SDCCAG8: variants seen among roughly 807,000 people sequenced by gnomAD.
SDCCAG8 encodes the protein SHH signaling and ciliogenesis regulator SDCCAG8.
In SDCCAG8, 74 loss-of-function variants were observed where a neutral mutation model predicts 101.8. The ratio of observed to expected loss-of-function variants is 0.73; its 90% CI spans 0.60 to 0.88. The LOEUF (loss-of-function observed/expected upper bound fraction) is 0.88. Among genes scored for constraint, SDCCAG8 ranks in the 40% least tolerant of loss-of-function variants. The probability of loss-of-function intolerance (pLI) is 0.00; values close to 1 mark genes in which losing one functional copy is unlikely to be tolerated. For synonymous variants in SDCCAG8, 281 were observed against 292.9 expected, an observed-to-expected ratio of 0.96 and a Z score of 0.41; for missense variants, 787 against 822.6, an observed-to-expected ratio of 0.96 and a Z score of 0.53.
intron 16 of SDCCAG8, among the ~76,000 whole-genome samples, chr1:243,451,304 T>C (rs894230254): frequency 1.3e-5 from 2 of 152,186 alleles, no homozygotes; most frequent in Admixed American, 1.3e-4. Context: ...TATTGTAAGA[T>C]GGAAAACATT....
intron 13 of SDCCAG8, among the ~76,000 whole-genome samples, chr1:243,386,023 C>T (rs1340941243): frequency 6.6e-6 from 1 of 152,174 alleles, no homozygotes; most frequent in Non-Finnish European, 1.5e-5. Flanking sequence ...CGTGGTACCA[C>T]GCTACATGTA....
intron 8 of SDCCAG8, among the ~76,000 whole-genome samples, chr1:243,309,703 A>T (rs1178301507): frequency 6.6e-6 from 1 of 152,068 alleles, no homozygotes; most frequent in Non-Finnish European, 1.5e-5. Flanking sequence ...GGGTCTCACT[A>T]TGTTGCCCAG....
At chr1:243,354,001 C>T (rs2147826543) in intron 12 of SDCCAG8, among the ~76,000 whole-genome samples, 1 of 152,260 alleles carries the variant, frequency 6.6e-6, no homozygotes, top group East Asian at 1.9e-4. Context: ...GGAGGATTAG[C>T]ACATGACTGT....
intron 3 of SDCCAG8, among the ~76,000 whole-genome samples, chr1:243,272,755 C>T (rs2068200643): frequency 6.6e-6 from 1 of 152,128 alleles, no homozygotes; most frequent in Non-Finnish European, 1.5e-5. Context: ...TGTATACAGC[C>T]TACATGTAAT....
In SDCCAG8 at chr1:243,344,273, A is replaced by G. The variant is rs1306789578; in HGVS notation, c.1415A>G (p.Glu472Gly). The G allele has an allele frequency of 3.1e-6, 5 of 1,614,046 alleles. No homozygotes were observed. In the East Asian group the frequency reaches 1.1e-4, roughly 36 times the overall value. Residue 472 changes from glutamate (E) to glycine (G), a missense_variant, in exon 12 of 18, where the codon GAA (glutamate) becomes GGA (glycine). Coordinates refer to ENST00000366541, the MANE Select transcript of SDCCAG8 (RefSeq NM_006642.5). ...NKTNMEKDEA[E>G]KEHREFRAKT... The stretch of plus-strand genomic sequence containing the variant: ...ACCAACATGGAGAAGGATGAGGCAG[A>G]AAAGGAGCACAGAGAGTTCAGAGCA...
At chr1:243,327,835 C>T (rs12073754) in intron 9 of SDCCAG8, among the ~76,000 whole-genome samples, 147,052 of 152,336 alleles carry the variant, frequency 0.97, 71,183 homozygotes, top group East Asian at 1. Flanking sequence ...GTTTTCTTCA[C>T]TGTGACCGGA....
In SDCCAG8 at chr1:243,460,588, A is replaced by G. The variant is rs532237910; in HGVS notation, c.1986-28426A>G. Among the ~76,000 whole-genome samples the G allele has an allele frequency of 7.2e-5, 11 of 152,340 alleles. No homozygotes were observed. The East Asian group carries it at 1.9e-3, about 27-fold the overall frequency. On this transcript the variant is annotated intron_variant, in intron 16 of 17. Coordinates refer to ENST00000366541, the MANE Select transcript of SDCCAG8 (RefSeq NM_006642.5). ...GATGATTCAGAGGACCAAAAGCCCA[A>G]TTTTCCATTTTCACAAGCTATAGGT...
rs547534257 is a variant in SDCCAG8, at chr1:243,285,590, A to G, written c.421-682A>G. On this transcript the variant is annotated intron_variant, in intron 4 of 17. Coordinates refer to ENST00000366541, the MANE Select transcript of SDCCAG8 (RefSeq NM_006642.5). The stretch of plus-strand genomic sequence containing the variant: ...TGCACTAGTAGTGAATATTAGGTTA[A>G]GTATTATATGATTGATATGTTGATA... Among the ~76,000 whole-genome samples the G allele has an allele frequency of 9.1e-4, 139 of 152,314 alleles. 1 individual carries two copies. The highest frequency in any genetic ancestry group is 3.1e-3 in the African/African-American group (130 of 41,570).
At chr1:243,334,431 TG>T (rs1326969695) in intron 10 of SDCCAG8, among the ~76,000 whole-genome samples, 1 of 152,240 alleles carries the variant, frequency 6.6e-6, no homozygotes, top group East Asian at 1.9e-4. Flanking sequence ...TTTTCTTCTT[TG>T]CACCCTCACC....
At chr1:243,388,870 T>C (rs2078501726) in intron 13 of SDCCAG8, among the ~76,000 whole-genome samples, 1 of 145,470 alleles carries the variant, frequency 6.9e-6, no homozygotes, top group African/African-American at 2.6e-5. Flanking sequence ...TGGTGGTGCA[T>C]GCCTGAGTCC....
intron 16 of SDCCAG8, among the ~76,000 whole-genome samples, chr1:243,483,243 C>T (rs1398421167): frequency 6.6e-6 from 1 of 152,086 alleles, no homozygotes; most frequent in Non-Finnish European, 1.5e-5. Context: ...GGAGCGCGCC[C>T]CCTGGGCTGG....
At chr1:243,325,713 G>A (rs925456952) in intron 9 of SDCCAG8, among the ~76,000 whole-genome samples, 9 of 152,106 alleles carry the variant, frequency 5.9e-5, no homozygotes, top group African/African-American at 2.2e-4. Flanking sequence ...GCAAGTTACT[G>A]AATGTCTCAA....
chr1:243,348,578 G>C (rs1042583771), intron 12 of SDCCAG8, among the ~76,000 whole-genome samples: 1 of 152,096 alleles, frequency 6.6e-6, no homozygotes, highest in Non-Finnish European at 1.5e-5. Context: ...AGCTGGAGAG[G>C]AGTATATTTC....
At chr1:243,304,895 A>G in intron 7 of SDCCAG8, 118 bp downstream of exon 7, 1 of 694,698 alleles carries the variant, frequency 1.4e-6, no homozygotes. Flanking sequence ...TGACATTTTA[A>G]TACACTTTAA....
chr1:243,321,917 G>A (rs368923634), intron 9 of SDCCAG8, among the ~76,000 whole-genome samples: 28 of 152,378 alleles, frequency 1.8e-4, no homozygotes, highest in East Asian at 7.7e-4. Context: ...CCAAAGTGCC[G>A]GGATTACTGG....
At chr1:243,469,927 A>G (rs1335647558) in intron 16 of SDCCAG8, among the ~76,000 whole-genome samples, 4 of 151,056 alleles carry the variant, frequency 2.6e-5, no homozygotes, top group Admixed American at 6.6e-5. Flanking sequence ...CTTGGCAAGT[A>G]AAGGGGTACT....
chr1:243,369,971 A>G (rs12042959), intron 12 of SDCCAG8, among the ~76,000 whole-genome samples: 18,662 of 151,994 alleles, frequency 0.12, 1,285 homozygotes, highest in Non-Finnish European at 0.15. Context: ...TATCCATTTC[A>G]ATCTGTAATC....
chr1:243,397,610 TG>T (rs2079105267), intron 13 of SDCCAG8, among the ~76,000 whole-genome samples: 1 of 151,774 alleles, frequency 6.6e-6, no homozygotes, highest in Non-Finnish European at 1.5e-5. Flanking sequence ...TAGATGCCGT[TG>T]GTTGCTTTTG....
chr1:243,464,841 G>A (rs190624518), intron 16 of SDCCAG8, among the ~76,000 whole-genome samples: 172 of 152,354 alleles, frequency 1.1e-3, no homozygotes, highest in Middle Eastern at 6.8e-3. Context: ...TCACCCCATC[G>A]TGAGGATACC....
Sources: allele counts gnomAD v4.1 joint callset (sites outside exome capture counted in the v4.1 genomes callset), GRCh38; gene constraint gnomAD v4.1.1; transcripts MANE v1.5; gene names NCBI Gene and HGNC (gene_info 2026-07-23, HGNC 2026-07-21).